Variants in NPAS2 observed in about 807,000 individuals in gnomAD.
NPAS2 encodes the protein neuronal PAS domain protein 2.
A neutral mutation model predicts 107.5 loss-of-function variants in NPAS2; 23 were observed. The ratio of observed to expected loss-of-function variants is 0.21; its 90% CI spans 0.15 to 0.30. The LOEUF (loss-of-function observed/expected upper bound fraction) is 0.30, where lower values mean the gene tolerates loss of function less well. NPAS2 is among the 10% of genes least tolerant of loss of function. The probability of loss-of-function intolerance (pLI) is 1.00; values close to 1 mark genes in which losing one functional copy is unlikely to be tolerated. For synonymous variants in NPAS2, 403 were observed against 417.5 expected (o/e 0.97, Z 0.42); for missense variants, 756 against 1,043.3 (o/e 0.72, Z 3.79).
At chr2:100,987,233 G>A (rs1294838036) in intron 16 of NPAS2, 1 of 152,216 alleles carries the variant, frequency 6.6e-6, no homozygotes, top group Non-Finnish European at 1.5e-5. Flanking sequence ...ACAGCGCCCA[G>A]CGTAAACAAC....
intron 1 of NPAS2, among the ~76,000 whole-genome samples, chr2:100,859,481 T>C (rs1304237058): frequency 6.6e-6 from 1 of 152,162 alleles, no homozygotes; most frequent in African/African-American, 2.4e-5. Context: ...CAGTGTAGAA[T>C]ATCACCTTGT....
intron 1 of NPAS2, among the ~76,000 whole-genome samples, chr2:100,883,457 C>T (rs1461213842): frequency 3.9e-5 from 6 of 152,142 alleles, no homozygotes; most frequent in Non-Finnish European, 7.3e-5. Flanking sequence ...GAGCCACACA[C>T]GGTAGCAGCA....
chr2:100,885,296 T>C (rs1680629899), intron 1 of NPAS2, among the ~76,000 whole-genome samples: 2 of 152,248 alleles, frequency 1.3e-5, no homozygotes, highest in Non-Finnish European at 2.9e-5. Context: ...GCAATGAATA[T>C]GTACTGCTTC....
chr2:100,919,958 C>G (rs1683121557), intron 2 of NPAS2, among the ~76,000 whole-genome samples: 2 of 152,200 alleles, frequency 1.3e-5, no homozygotes, highest in African/African-American at 4.8e-5. Flanking sequence ...TCCATCTCTT[C>G]CTCTAGACAC....
chr2:100,957,295 C>G (rs531463575), intron 7 of NPAS2, among the ~76,000 whole-genome samples: 2 of 152,316 alleles, frequency 1.3e-5, no homozygotes, highest in East Asian at 3.9e-4. Flanking sequence ...TATGTAACCC[C>G]GTGTCCTATT....
intron 19 of NPAS2, 129 bp from the exon 20 acceptor site, chr2:100,993,218 C>A (rs1258801586): frequency 1.0e-5 from 8 of 798,908 alleles, no homozygotes; most frequent in Non-Finnish European, 1.6e-5. Flanking sequence ...CAGGCATGAG[C>A]CACCGCGCCT....
chr2:100,863,271 A>G (rs1488863301), intron 1 of NPAS2, among the ~76,000 whole-genome samples: 1 of 152,182 alleles, frequency 6.6e-6, no homozygotes, highest in Non-Finnish European at 1.5e-5. Context: ...CATTCAAGCA[A>G]AAGAGGGCCA....
At chr2:100,938,047 C>T (rs578094859) in intron 5 of NPAS2, among the ~76,000 whole-genome samples, 5 of 152,290 alleles carry the variant, frequency 3.3e-5, no homozygotes, top group Non-Finnish European at 5.9e-5. Context: ...CAGATGCAGG[C>T]GTGTGCCATC....
At chr2:100,953,918 A>G (rs920326444) in intron 7 of NPAS2, among the ~76,000 whole-genome samples, 2 of 152,218 alleles carry the variant, frequency 1.3e-5, no homozygotes, top group Non-Finnish European at 2.9e-5. Context: ...TTAATCAAAC[A>G]CAAAGACACA....
intron 1 of NPAS2, among the ~76,000 whole-genome samples, chr2:100,873,307 T>TATATATACACACAC (rs1280164445): frequency 2.4e-4 from 10 of 41,900 alleles, no homozygotes; most frequent in Admixed American, 1.7e-3. Context: ...TATATATATA[T>TATATATACACACAC]ACACACACAC....
intron 1 of NPAS2, chr2:100,821,018 C>G (rs1676037748): frequency 2.3e-6 from 3 of 1,299,194 alleles, no homozygotes; most frequent in Non-Finnish European, 3.0e-6. Context: ...CCGGAGCTCC[C>G]CAGGTTGGAT....
chr2:100,969,712 G>A (rs2105186509), intron 11 of NPAS2, among the ~76,000 whole-genome samples: 1 of 152,146 alleles, frequency 6.6e-6, no homozygotes, highest in Admixed American at 6.6e-5. Flanking sequence ...ACACCTAGAT[G>A]GTGTGGCCTA....
chr2:100,980,170 A>G (rs1300725732), intron 15 of NPAS2, among the ~76,000 whole-genome samples: 1 of 152,104 alleles, frequency 6.6e-6, no homozygotes, highest in African/African-American at 2.4e-5. Flanking sequence ...AAAAATCCGA[A>G]TAACGTGAGA....
rs1343719466 is a variant in NPAS2, at chr2:100,878,844, C to T, written c.-22-25889C>T. Among the ~76,000 whole-genome samples, 4 of 152,126 alleles carry T rather than the reference C, an allele frequency of 2.6e-5. No individual in the cohort carries two copies. The East Asian group carries it at 7.7e-4, about 29-fold the overall frequency. ...TAAAAGAAAATGCCTTCTGGCCAGGCACGGTGGTTCATGCCTGTAATCCCA... is the reference window on the plus strand; with the variant it reads ...TAAAAGAAAATGCCTTCTGGCCAGGTACGGTGGTTCATGCCTGTAATCCCA... On this transcript the variant is annotated intron_variant, in intron 1 of 20. Coordinates refer to ENST00000335681, the MANE Select transcript of NPAS2 (RefSeq NM_002518.4).
chr2:100,869,394 T>G (rs1679433380), intron 1 of NPAS2, among the ~76,000 whole-genome samples: 1 of 152,216 alleles, frequency 6.6e-6, no homozygotes, highest in Non-Finnish European at 1.5e-5. Context: ...CCTTGGAACT[T>G]GATCTGTGAG....
chr2:100,952,405 A>C (rs1675281213), intron 7 of NPAS2, among the ~76,000 whole-genome samples: 1 of 151,070 alleles, frequency 6.6e-6, no homozygotes, highest in African/African-American at 2.4e-5. Flanking sequence ...TCTCTACTAA[A>C]AATACAAAAT....
rs74613623 is a variant in NPAS2 at position 100,924,139 on chromosome 2, C to T, written c.33-1007C>T. ...GACAAACTGAGTGAAAGACACAGAGCGTTCCCATATCCCCCTGAGCCCTCC... is the reference window on the plus strand; with the variant it reads ...GACAAACTGAGTGAAAGACACAGAGTGTTCCCATATCCCCCTGAGCCCTCC... On this transcript the variant is annotated intron_variant, in intron 2 of 20. Coordinates refer to ENST00000335681, the MANE Select transcript of NPAS2 (RefSeq NM_002518.4). 7.6e-3 allele frequency among the ~76,000 whole-genome samples: 1,161 copies of T among 152,270 alleles called. 54 individuals are homozygous for T. The East Asian group carries it at 0.15, about 20-fold the overall frequency.
At chr2:100,920,385 C>A (rs764344885) in intron 2 of NPAS2, among the ~76,000 whole-genome samples, 2 of 151,976 alleles carry the variant, frequency 1.3e-5, no homozygotes, top group African/African-American at 2.4e-5. Context: ...ATATATATAT[C>A]AAAACATCAC....
In NPAS2 at chr2:100,925,150, T is replaced by G. The variant is rs1683478216; in HGVS notation, c.37T>G (p.Ser13Ala). ...CTGCTCGTTTTGTGTTTACAGAGCT[T>G]CTCGAAACAAGTCTGAGAAGAAGCG... Reference protein sequence around the residue: ...EDEKDRAKRASRNKSEKKRRD... With the variant: ...EDEKDRAKRAARNKSEKKRRD... The change falls in exon 3 of 21, where the codon TCT (serine) becomes GCT (alanine). Residue 13 changes from serine to alanine, a missense_variant. Ser to Ala is a moderately conservative substitution (Grantham distance 99). This residue lies in a region of NPAS2 where 146 missense variants were observed against 249.6 expected (regional missense o/e 0.58). Coordinates refer to ENST00000335681, the MANE Select transcript of NPAS2 (RefSeq NM_002518.4). 3 of 1,610,490 alleles carry G rather than the reference T, an allele frequency of 1.9e-6. No homozygotes were observed. The highest frequency in any genetic ancestry group is 2.5e-6 in the Non-Finnish European group (3 of 1,177,326).
Sources: gnomAD v4.1 joint callset for allele counts (sites outside exome capture counted in the v4.1 genomes callset) on GRCh38, gnomAD v4.1.1 for gene constraint, gnomAD v4.1.1 regional missense constraint, MANE v1.5 for transcripts, NCBI Gene and HGNC (gene_info 2026-07-23, HGNC 2026-07-21) for gene names.